DNAJC15: variants seen among roughly 807,000 people sequenced by gnomAD.
The protein encoded by DNAJC15 is dnaJ homolog subfamily C member 15.
Under a neutral mutation model 22.4 loss-of-function variants are expected in DNAJC15, and 27 were observed. The ratio of observed to expected loss-of-function variants is 1.20; its 90% CI spans 0.89 to 1.66. DNAJC15 has a LOEUF of 1.66. Among genes scored for constraint, DNAJC15 ranks in the 40% most tolerant of loss-of-function variants. The pLI, the probability that DNAJC15 is intolerant of heterozygous loss-of-function variation, is 0.00. For missense variants in DNAJC15, 208 were observed against 187.1 expected, an observed-to-expected ratio of 1.11 and a Z score of -0.65; for synonymous variants, 79 against 63.2, an observed-to-expected ratio of 1.25 and a Z score of -1.19.
chr13:43,087,023 T>TA (rs1049680972), intron 5 of DNAJC15, among the ~76,000 whole-genome samples: 14 of 152,230 alleles, frequency 9.2e-5, no homozygotes, highest in African/African-American at 3.1e-4. Context: ...TAACTCCAAA[T>TA]ATGAGTTTTA....
At chr13:43,024,184 G>C (rs553835157) in intron 1 of DNAJC15, among the ~76,000 whole-genome samples, 2 of 152,130 alleles carry the variant, frequency 1.3e-5, no homozygotes, top group South Asian at 4.2e-4. Context: ...CGGGTACCAG[G>C]ACTACTGTCT....
intron 1 of DNAJC15, among the ~76,000 whole-genome samples, chr13:43,035,500 A>G (rs2040425018): frequency 1.3e-5 from 2 of 152,336 alleles, no homozygotes; most frequent in African/African-American, 2.4e-5. Context: ...TATAGTAGGC[A>G]TTAGAACTGA....
At chr13:43,064,684 A>G (rs2040574944) in intron 1 of DNAJC15, among the ~76,000 whole-genome samples, 1 of 152,196 alleles carries the variant, frequency 6.6e-6, no homozygotes, top group African/African-American at 2.4e-5. Context: ...CAATTCAGGG[A>G]TGGGAAGGCA....
At chr13:43,044,892 A>C (rs2040469233) in intron 1 of DNAJC15, among the ~76,000 whole-genome samples, 1 of 152,050 alleles carries the variant, frequency 6.6e-6, no homozygotes, top group African/African-American at 2.4e-5. Context: ...ATAGACTTAC[A>C]ACTCATCCCC....
Position 43,109,923 on chromosome 13 carries a change from A to C in DNAJC15, c.*2675A>C, listed in dbSNP as rs1482652590. The C allele has an allele frequency of 6.6e-6, 1 of 151,746 alleles. No homozygotes were observed. The highest frequency in any genetic ancestry group is 1.9e-4 in the East Asian group (1 of 5,202). 9.4% of individuals were successfully genotyped at this position (151,746 alleles called of 1,614,324 possible). On this transcript the variant is annotated 3_prime_UTR_variant, in exon 6 of 6. Transcript: ENST00000379221. ...AGTAGAGAATAAGGATGTGTAAAGC[A>C]TTTAGTCACGTAAATGCTTAAAAAA...
intron 1 of DNAJC15, among the ~76,000 whole-genome samples, chr13:43,048,073 A>G (rs1169942138): frequency 6.6e-6 from 1 of 152,234 alleles, no homozygotes; most frequent in Non-Finnish European, 1.5e-5. Flanking sequence ...TATTATGCAT[A>G]TGCCTGGAAG....
At chr13:43,023,804 C>T (rs1467963994) in intron 1 of DNAJC15, 70 bp downstream of exon 1, 1 of 1,393,872 alleles carries the variant, frequency 7.2e-7, no homozygotes, top group Non-Finnish European at 9.9e-7. Context: ...CCCTCTACCG[C>T]CTCACCCTTG....
intron 1 of DNAJC15, among the ~76,000 whole-genome samples, chr13:43,037,929 CTTT>C (rs1346359952): frequency 6.6e-6 from 1 of 152,102 alleles, no homozygotes; most frequent in Non-Finnish European, 1.5e-5. Flanking sequence ...TGAAAATATT[CTTT>C]TTTATAGCCT....
At chr13:43,050,512 A>G (rs2040498052) in intron 1 of DNAJC15, among the ~76,000 whole-genome samples, 1 of 151,704 alleles carries the variant, frequency 6.6e-6, no homozygotes, top group Admixed American at 6.6e-5. Flanking sequence ...GGCTGGTCTC[A>G]CTCCTGGGCT....
In DNAJC15 at chr13:43,023,620, C is replaced by G; in HGVS notation, c.-7C>G. The G allele has an allele frequency of 2.1e-5, 33 of 1,607,828 alleles. No individual in the cohort carries two copies. The highest frequency in any genetic ancestry group is 2.8e-5 in the Non-Finnish European group (33 of 1,177,262). On this transcript the variant is annotated 5_prime_UTR_variant, in exon 1 of 6. Coordinates refer to ENST00000379221, the MANE Select transcript of DNAJC15 (RefSeq NM_013238.3). ...CGCGGCGCCTTGAGTCTCCGGGCCG[C>G]CTTGCCATGGCTGCCCGTGGTGTCA...
intron 4 of DNAJC15, among the ~76,000 whole-genome samples, chr13:43,079,142 A>G (rs899978381): frequency 6.6e-6 from 1 of 152,144 alleles, no homozygotes; most frequent in Non-Finnish European, 1.5e-5. Context: ...TTTGGACAAT[A>G]TGAGAGAAAA....
At chr13:43,104,360 C>G (rs1048363724) in intron 5 of DNAJC15, among the ~76,000 whole-genome samples, 3 of 152,182 alleles carry the variant, frequency 2.0e-5, no homozygotes, top group Non-Finnish European at 4.4e-5. Flanking sequence ...GAATGTTGGG[C>G]TCATCATAGT....
chr13:43,063,580 A>G (rs960712696), intron 1 of DNAJC15, among the ~76,000 whole-genome samples: 1 of 152,150 alleles, frequency 6.6e-6, no homozygotes, highest in Non-Finnish European at 1.5e-5. Context: ...GCGCCTTTTC[A>G]TATGTTTTAG....
At chr13:43,079,927 G>A (rs945570170) in intron 4 of DNAJC15, among the ~76,000 whole-genome samples, 6 of 152,058 alleles carry the variant, frequency 3.9e-5, no homozygotes, top group Admixed American at 2.0e-4. Flanking sequence ...GTATATATGC[G>A]TACAAATACC....
chr13:43,026,070 A>G (rs1176081165), intron 1 of DNAJC15, among the ~76,000 whole-genome samples: 1 of 152,158 alleles, frequency 6.6e-6, no homozygotes, highest in Non-Finnish European at 1.5e-5. Flanking sequence ...TGTTTATCAA[A>G]TGTATTATAT....
intron 4 of DNAJC15, among the ~76,000 whole-genome samples, chr13:43,080,013 A>G (rs912165627): frequency 6.6e-6 from 1 of 152,218 alleles, no homozygotes; most frequent in Non-Finnish European, 1.5e-5. Flanking sequence ...TTTTAACTGC[A>G]TAAAGTTGCC....
chr13:43,041,660 T>C (rs1593311664), intron 1 of DNAJC15, among the ~76,000 whole-genome samples: 2 of 152,348 alleles, frequency 1.3e-5, no homozygotes, highest in Middle Eastern at 6.8e-3. Context: ...TTTCCCTCCT[T>C]GGCCTAACCT....
intron 1 of DNAJC15, among the ~76,000 whole-genome samples, chr13:43,060,986 G>A (rs146616234): frequency 2.0e-5 from 3 of 152,360 alleles, no homozygotes; most frequent in Admixed American, 6.5e-5. Context: ...CCCTGAGCTT[G>A]TTGTGTAGGG....
chr13:43,038,462 G>A (rs910181534), intron 1 of DNAJC15, among the ~76,000 whole-genome samples: 9 of 152,164 alleles, frequency 5.9e-5, no homozygotes, highest in Admixed American at 4.6e-4. Context: ...CTTATCAAAC[G>A]ATTCCATTTT....
Sources: gnomAD v4.1 joint callset for allele counts (sites outside exome capture counted in the v4.1 genomes callset) on GRCh38, gnomAD v4.1.1 for gene constraint, MANE v1.5 for transcripts, NCBI Gene and HGNC (gene_info 2026-07-23, HGNC 2026-07-21) for gene names.